The following DTNB variants were observed in gnomAD, a reference collection of about 807,000 sequenced individuals.
The protein encoded by DTNB is DTN-B.
In DTNB, 63 loss-of-function variants were observed where a neutral mutation model predicts 90.7. The ratio of observed to expected loss-of-function variants is 0.69; its 90% CI spans 0.57 to 0.86. The LOEUF (loss-of-function observed/expected upper bound fraction) is 0.86. DTNB is among the 40% of genes least tolerant of loss of function. The pLI, the probability that DTNB is intolerant of heterozygous loss-of-function variation, is 0.00. For synonymous variants in DTNB, 277 were observed against 286.7 expected, an observed-to-expected ratio of 0.97 and a Z score of 0.34; for missense variants, 744 against 807.1, an observed-to-expected ratio of 0.92 and a Z score of 0.95.
At chr2:25,647,530 C>T (rs1313734867) in intron 2 of DTNB, among the ~76,000 whole-genome samples, 2 of 152,066 alleles carry the variant, frequency 1.3e-5, no homozygotes, top group Non-Finnish European at 2.9e-5. Flanking sequence ...GACCCAAAAC[C>T]CAATTAAGCT....
chr2:25,420,178 C>T (rs2049056041), intron 15 of DTNB, among the ~76,000 whole-genome samples: 1 of 151,716 alleles, frequency 6.6e-6, no homozygotes, highest in South Asian at 2.1e-4. Flanking sequence ...ATTCTGCCCA[C>T]TACAGGTTCT....
chr2:25,497,131 CAG>C (rs1472185598), intron 9 of DTNB, among the ~76,000 whole-genome samples: 3 of 152,180 alleles, frequency 2.0e-5, no homozygotes, highest in Non-Finnish European at 2.9e-5. Flanking sequence ...GTCTTCCCCA[CAG>C]AGCATTTTGG....
At chr2:25,566,327 C>T (rs1029903786) in intron 8 of DTNB, among the ~76,000 whole-genome samples, 3 of 152,144 alleles carry the variant, frequency 2.0e-5, no homozygotes, top group Non-Finnish European at 4.4e-5. Flanking sequence ...CAGCAGGAGG[C>T]CCTCTAAGCC....
At chr2:25,420,934 A>G (rs1046092991) in intron 15 of DTNB, among the ~76,000 whole-genome samples, 3 of 152,134 alleles carry the variant, frequency 2.0e-5, no homozygotes, top group Non-Finnish European at 2.9e-5. Flanking sequence ...GTTCTTTGCT[A>G]CTCATCTACT....
chr2:25,433,071 A>C (rs2054498013), intron 13 of DTNB, 72 bp from the exon 14 acceptor site: 2 of 1,421,064 alleles, frequency 1.4e-6, no homozygotes, highest in Non-Finnish European at 1.9e-6. Context: ...CCCTATTACA[A>C]CTTTTCAACT....
chr2:25,462,108 CTCAA>C (rs1289076694), intron 10 of DTNB, among the ~76,000 whole-genome samples: 2 of 152,190 alleles, frequency 1.3e-5, no homozygotes, highest in Non-Finnish European at 2.9e-5. Context: ...CAGGCTTCTG[CTCAA>C]TCAATCGGGG....
chr2:25,527,498 C>T (rs1476598189), intron 9 of DTNB, among the ~76,000 whole-genome samples: 7 of 150,376 alleles, frequency 4.7e-5, no homozygotes, highest in South Asian at 4.2e-4. Flanking sequence ...TCCAGCCTGG[C>T]GACAGACTGA....
chr2:25,631,650 G>C (rs2075788251), intron 3 of DTNB, among the ~76,000 whole-genome samples: 1 of 151,378 alleles, frequency 6.6e-6, no homozygotes, highest in Non-Finnish European at 1.5e-5. Flanking sequence ...TAACAGAATA[G>C]TCTCAAAACA....
At chr2:25,658,700 C>T (rs1439419696) in intron 1 of DTNB, among the ~76,000 whole-genome samples, 1 of 152,160 alleles carries the variant, frequency 6.6e-6, no homozygotes, top group African/African-American at 2.4e-5. Flanking sequence ...AATTTTATGA[C>T]CTTCTAGATA....
chr2:25,392,311 G>A (rs1038250532), intron 16 of DTNB, among the ~76,000 whole-genome samples: 1 of 152,130 alleles, frequency 6.6e-6, no homozygotes, highest in Non-Finnish European at 1.5e-5. Flanking sequence ...TCGGGAGGCT[G>A]AGGCAGGAGA....
intron 10 of DTNB, among the ~76,000 whole-genome samples, chr2:25,463,524 A>G (rs1172626431): frequency 6.6e-6 from 1 of 152,274 alleles, no homozygotes; most frequent in East Asian, 1.9e-4. Flanking sequence ...AACTGATTTC[A>G]GTAGTGGCTG....
At chr2:25,494,898 A>G (rs1414654162) in intron 9 of DTNB, among the ~76,000 whole-genome samples, 2 of 151,806 alleles carry the variant, frequency 1.3e-5, no homozygotes, top group Admixed American at 6.6e-5. Context: ...AGGAGAGAGC[A>G]CTGTTGCCAG....
intron 10 of DTNB, among the ~76,000 whole-genome samples, chr2:25,480,465 A>G (rs2064713140): frequency 6.6e-6 from 1 of 152,148 alleles, no homozygotes; most frequent in Non-Finnish European, 1.5e-5. Flanking sequence ...TGGCAATCAC[A>G]GCTGGCTACT....
chr2:25,583,282 C>T (rs1345669803), intron 6 of DTNB, among the ~76,000 whole-genome samples: 4 of 145,868 alleles, frequency 2.7e-5, no homozygotes, highest in Admixed American at 6.8e-5. Flanking sequence ...TATATATATA[C>T]ACACACATAC....
chr2:25,647,230 T>C (rs2079685310), intron 2 of DTNB, among the ~76,000 whole-genome samples: 1 of 152,112 alleles, frequency 6.6e-6, no homozygotes, highest in Non-Finnish European at 1.5e-5. Flanking sequence ...TAGATAGACA[T>C]AACATTTTAA....
At chr2:25,639,381 GA>G in intron 2 of DTNB, 1 of 254,506 alleles carries the variant, frequency 3.9e-6, no homozygotes, top group Non-Finnish European at 7.6e-6. Context: ...CTATGATTAG[GA>G]AAGGGGAGTA....
In DTNB at chr2:25,387,431, A is replaced by G; in HGVS notation, c.1736-53T>C. On this transcript the variant is annotated intron_variant, in intron 17 of 20. Coordinates refer to ENST00000406818, the MANE Select transcript of DTNB (RefSeq NM_021907.5). The surrounding 1 kb of genome is among the most constrained non-coding windows in gnomAD (Gnocchi z 4.5). ...GCCAGGGTGGGTGAGCGTGGAGAAGAGACGGCTGAGCAAATGCCTCAGTTC... is the reference window on the plus strand; with the variant it reads ...GCCAGGGTGGGTGAGCGTGGAGAAGGGACGGCTGAGCAAATGCCTCAGTTC... 3 of 1,553,340 alleles carry G rather than the reference A, an allele frequency of 1.9e-6. No homozygotes were observed. Among genetic ancestry groups the G allele is most frequent in the Non-Finnish European group, 2.7e-6 (3 of 1,130,628 alleles).
intron 18 of DTNB, chr2:25,385,927 G>T: frequency 1.3e-6 from 1 of 768,560 alleles, no homozygotes; most frequent in Non-Finnish European, 1.6e-6. Context: ...TACAAGTGTA[G>T]TTAATTCCCA....
chr2:25,497,780 T>C (rs1421399164), intron 9 of DTNB: 1 of 152,206 alleles, frequency 6.6e-6, no homozygotes, highest in Non-Finnish European at 1.5e-5. Context: ...ATGTAGTCAA[T>C]AGCTCCTAAA....
Sources: gnomAD v4.1 joint callset for allele counts (sites outside exome capture counted in the v4.1 genomes callset) on GRCh38, gnomAD v4.1.1 for gene constraint, Gnocchi (gnomAD v3.1) non-coding constraint, MANE v1.5 for transcripts, NCBI Gene and HGNC (gene_info 2026-07-23, HGNC 2026-07-21) for gene names.